The following NREP variants were observed in gnomAD, a reference collection of about 807,000 sequenced individuals.
The protein encoded by NREP is neuronal regeneration related protein.
NREP carries 5 observed loss-of-function variants against 8.6 expected under a neutral mutation model. That is an observed-to-expected ratio of 0.58 (90% CI 0.30 to 1.22). NREP has a LOEUF of 1.22. NREP is among the 50% of genes most tolerant of loss of function. The pLI is 0.07. For synonymous variants in NREP, 27 were observed against 28.0 expected, an observed-to-expected ratio of 0.96 and a Z score of 0.11; for missense variants, 86 against 82.5, an observed-to-expected ratio of 1.04 and a Z score of -0.17.
intron 2 of NREP, among the ~76,000 whole-genome samples, chr5:111,923,962 A>C (rs755320957): frequency 1.4e-4 from 22 of 152,182 alleles, no homozygotes; most frequent in Non-Finnish European, 2.8e-4. Context: ...TTCCTTTATT[A>C]ATTGGTATAA....
At chr5:111,841,509 A>C (rs934969721) in intron 2 of NREP, among the ~76,000 whole-genome samples, 3 of 152,174 alleles carry the variant, frequency 2.0e-5, no homozygotes, top group Non-Finnish European at 4.4e-5. Flanking sequence ...GCCAGGCACA[A>C]AAGATGGTCT....
At chr5:111,876,457 T>A (rs1753911555) in intron 2 of NREP, among the ~76,000 whole-genome samples, 1 of 152,138 alleles carries the variant, frequency 6.6e-6, no homozygotes, top group Non-Finnish European at 1.5e-5. Context: ...AACTTTTCCT[T>A]TTGAGCAGAA....
At chr5:111,777,959 T>C (rs778771616) in intron 2 of NREP, among the ~76,000 whole-genome samples, 2 of 152,154 alleles carry the variant, frequency 1.3e-5, no homozygotes, top group Non-Finnish European at 2.9e-5. Context: ...AGGAATTTCA[T>C]TGTTTTGCTG....
intron 2 of NREP, among the ~76,000 whole-genome samples, chr5:111,873,253 G>A (rs1196247738): frequency 6.6e-6 from 1 of 152,116 alleles, no homozygotes; most frequent in East Asian, 1.9e-4. Flanking sequence ...TCATCAGAAA[G>A]GACACAGAGA....
chr5:111,908,797 C>T (rs773898610), intron 2 of NREP, among the ~76,000 whole-genome samples: 4 of 151,966 alleles, frequency 2.6e-5, no homozygotes, highest in Admixed American at 6.6e-5. Flanking sequence ...TACCCACTAA[C>T]GGAATTGCTA....
intron 2 of NREP, among the ~76,000 whole-genome samples, chr5:111,945,088 G>A (rs1393764782): frequency 2.0e-5 from 3 of 151,932 alleles, no homozygotes. Context: ...TGAAGGTTTG[G>A]ACAACACCCT....
intron 3 of NREP, chr5:111,733,667 A>G (rs1748825376): frequency 6.6e-6 from 1 of 152,136 alleles, no homozygotes; most frequent in Admixed American, 6.5e-5. Context: ...AAGTTCATCC[A>G]TGGGAAAAAC....
At chr5:111,825,823 C>T (rs1263765414) in intron 2 of NREP, among the ~76,000 whole-genome samples, 1 of 152,092 alleles carries the variant, frequency 6.6e-6, no homozygotes, top group East Asian at 1.9e-4. Flanking sequence ...ATTCTCTATC[C>T]GAGGCCATAG....
At position 111,951,128 on chromosome 5, in the gene NREP, T is replaced by C. The variant is rs34134226; in HGVS notation, c.135+24146A>G. The stretch of plus-strand genomic sequence containing the variant: ...CTAAAACTTTAAATAAATTGTATCA[T>C]GCTGTATGCATCCTTCTTGCTTTTT... On this transcript the variant is annotated intron_variant, in intron 2 of 3. Coordinates refer to the NREP transcript ENST00000395634. 8.8e-3 allele frequency among the ~76,000 whole-genome samples: 1,338 copies of C among 152,212 alleles called. 21 individuals are homozygous for C. The highest frequency in any genetic ancestry group is 0.024 in the African/African-American group (990 of 41,556).
At chr5:111,848,102 T>A (rs1305934011) in intron 2 of NREP, among the ~76,000 whole-genome samples, 2 of 152,154 alleles carry the variant, frequency 1.3e-5, no homozygotes, top group Non-Finnish European at 2.9e-5. Context: ...GTACAAATAC[T>A]CTAAGCTAAT....
intron 2 of NREP, among the ~76,000 whole-genome samples, chr5:111,952,584 CAAG>C (rs1220480941): frequency 6.6e-6 from 1 of 152,036 alleles, no homozygotes; most frequent in Non-Finnish European, 1.5e-5. Context: ...AGCAATAGGA[CAAG>C]AAGTGAAGAA....
chr5:111,845,284 T>C (rs1355864275), intron 2 of NREP, among the ~76,000 whole-genome samples: 1 of 151,942 alleles, frequency 6.6e-6, no homozygotes, highest in African/African-American at 2.4e-5. Flanking sequence ...CATCTTTTTT[T>C]TTTTTTAATT....
intron 2 of NREP, among the ~76,000 whole-genome samples, chr5:111,905,209 T>G (rs554971450): frequency 6.6e-6 from 1 of 152,276 alleles, no homozygotes; most frequent in East Asian, 1.9e-4. Flanking sequence ...CATAGTTTGT[T>G]TTCCATTCAT....
intron 2 of NREP, among the ~76,000 whole-genome samples, chr5:111,827,821 C>A (rs1752663789): frequency 6.6e-6 from 1 of 151,864 alleles, no homozygotes; most frequent in Non-Finnish European, 1.5e-5. Flanking sequence ...CCAGCCTGGG[C>A]CACACGGGAT....
chr5:111,733,291 A>C (rs1043712861), intron 3 of NREP: 2 of 152,222 alleles, frequency 1.3e-5, no homozygotes, highest in Non-Finnish European at 2.9e-5. Flanking sequence ...GAAGACAAGC[A>C]TACAGACTGG....
intron 2 of NREP, among the ~76,000 whole-genome samples, chr5:111,818,351 T>G (rs72782118): frequency 0.013 from 2,004 of 152,298 alleles, 22 homozygotes; most frequent in Middle Eastern, 0.02. Context: ...AAAAAATACA[T>G]TCTTCAGAAA....
Position 111,755,849 on chromosome 5 carries a change from T to C in NREP, c.-58-19A>G, listed in dbSNP as rs1176780534. The C allele has an allele frequency of 9.9e-6, 16 of 1,613,022 alleles. No homozygotes were observed. The highest frequency in any genetic ancestry group is 1.4e-5 in the Non-Finnish European group (16 of 1,179,462). On this transcript the variant is annotated intron_variant, in intron 1 of 3. Transcript: ENST00000257435. ...GACCAACCTGCAAAATATGTTTAAA[T>C]ACAGTAGACACATCGCCTCACCACA...
intron 2 of NREP, among the ~76,000 whole-genome samples, chr5:111,899,038 A>C (rs188236522): frequency 7.2e-5 from 11 of 152,366 alleles, no homozygotes; most frequent in Non-Finnish European, 1.2e-4. Context: ...TAGACAAGGA[A>C]AAACTGAGGA....
intron 2 of NREP, chr5:111,974,423 T>C (rs1447386016): frequency 6.6e-6 from 1 of 152,172 alleles, no homozygotes; most frequent in East Asian, 1.9e-4. Context: ...AACATATCTG[T>C]AGCATGGGAC....
Sources: gnomAD v4.1 joint callset for allele counts (sites outside exome capture counted in the v4.1 genomes callset) on GRCh38, gnomAD v4.1.1 for gene constraint, MANE v1.5 for transcripts, NCBI Gene and HGNC (gene_info 2026-07-23, HGNC 2026-07-21) for gene names.